The following CIITA variants were observed in gnomAD, a reference collection of about 807,000 sequenced individuals.
The protein encoded by CIITA is class II major histocompatibility complex transactivator.
A neutral mutation model predicts 115.1 loss-of-function variants in CIITA; 72 were observed. The ratio of observed to expected loss-of-function variants is 0.63; its 90% CI spans 0.52 to 0.76. The LOEUF (loss-of-function observed/expected upper bound fraction) is 0.76. Among genes scored for constraint, CIITA ranks in the 30% least tolerant of loss-of-function variants. CIITA has a pLI of 0.00. For synonymous variants in CIITA, 763 were observed against 635.6 expected, an observed-to-expected ratio of 1.20 and a Z score of -3.02; for missense variants, 1,617 against 1,463.8, an observed-to-expected ratio of 1.10 and a Z score of -1.71.
rs1316768186 is a variant in CIITA at position 10,931,757 on chromosome 16, G to C, written c.*7902G>C. ...AAATACAAAATTCGCTGGGCATGGT[G>C]GCAGGTGCCTGAGGTCCCAGCTACT... On this transcript the variant is annotated 3_prime_UTR_variant, in exon 20 of 20. Transcript: ENST00000324288. 1 of 152,222 alleles carries C rather than the reference G, an allele frequency of 6.6e-6. No individual in the cohort carries two copies. The highest frequency in any genetic ancestry group is 1.9e-4 in the East Asian group (1 of 5,190). The allele number at this position is 152,222 out of a possible 1,614,324, so 9.4% of individuals were successfully genotyped here.
intron 15 of CIITA, chr16:10,916,709 C>T: frequency 1.9e-6 from 1 of 537,454 alleles, no homozygotes; most frequent in Admixed American, 3.0e-5. Context: ...TTCATCCATT[C>T]ACTCATTCAC....
chr16:10,880,405 G>A (rs889793835), intron 1 of CIITA, among the ~76,000 whole-genome samples: 2 of 152,216 alleles, frequency 1.3e-5, no homozygotes, highest in Non-Finnish European at 2.9e-5. Context: ...ACTGGGAGGC[G>A]CTGATGTGGT....
Position 10,926,138 on chromosome 16 carries a change from C to T in CIITA, c.*2283C>T, listed in dbSNP as rs1392228277. On this transcript the variant is annotated 3_prime_UTR_variant, in exon 20 of 20. Transcript: ENST00000324288. The stretch of plus-strand genomic sequence containing the variant: ...CAGTGCCCACAGGATCAGTCTGATT[C>T]CCAAGCTCTGCTCCTCTCCCCAGCA... The T allele has an allele frequency of 6.6e-6, 1 of 152,240 alleles. No individual in the cohort carries two copies. Among genetic ancestry groups the T allele is most frequent in the Non-Finnish European group, 1.5e-5 (1 of 68,050 alleles). The allele number at this position is 152,240 out of a possible 1,614,324, so 9.4% of individuals were successfully genotyped here.
chr16:10,907,367 G>A lies in CIITA; in HGVS notation c.1875G>A (p.Leu625=), dbSNP rs2039241425. ...TGTGCCAGCTCTCAGAGGCCCTGCT[G>A]GAGCTTGGGGAGGACGCCAAGCTGC... ...RAVCQLSEAL[L]ELGEDAKLPS... is the part of the protein sequence containing the mutation. The change falls in exon 11 of 20, where the codon CTG becomes CTA. Residue 625 remains leucine (L), a synonymous_variant. Transcript: ENST00000324288. This position sits in a 1 kb window ranked among gnomAD's most constrained non-coding sequence, Gnocchi z 5.0. The A allele has an allele frequency of 6.2e-7, 1 of 1,613,314 alleles. No homozygotes were observed. The highest frequency in any genetic ancestry group is 8.5e-7 in the Non-Finnish European group (1 of 1,179,984).
At position 10,901,571 on chromosome 16, in the gene CIITA, G is replaced by A; in HGVS notation, c.481+13G>A. The A allele has an allele frequency of 6.2e-7, 1 of 1,613,618 alleles. No homozygotes were observed. The highest frequency in any genetic ancestry group is 8.5e-7 in the Non-Finnish European group (1 of 1,179,850). The stretch of plus-strand genomic sequence containing the variant: ...CACTGGAAGCCAGGTGTGCAGGGCA[G>A]GTGGGCTGGGGTTGGGAAGGGTGGA... On this transcript the variant is annotated intron_variant, in intron 6 of 19. Coordinates refer to ENST00000324288, the MANE Select transcript of CIITA (RefSeq NM_000246.4). The surrounding 1 kb of genome is among the most constrained non-coding windows in gnomAD (Gnocchi z 6.8).
chr16:10,883,043 T>C (rs1248799007), intron 1 of CIITA, among the ~76,000 whole-genome samples: 1 of 152,158 alleles, frequency 6.6e-6, no homozygotes, highest in Admixed American at 6.5e-5. Context: ...ATGGCTGGAC[T>C]CCGTAGTCAG....
chr16:10,912,153 C>T (rs1013470347), intron 13 of CIITA, among the ~76,000 whole-genome samples: 6 of 151,920 alleles, frequency 3.9e-5, no homozygotes, highest in South Asian at 4.2e-4. Flanking sequence ...CTTGCTCTGT[C>T]ACCCAGGCTA....
At chr16:10,902,627 G>T (rs1304045742) in intron 7 of CIITA, 31 bp from the exon 8 acceptor site, 2 of 1,613,990 alleles carry the variant, frequency 1.2e-6, no homozygotes, top group South Asian at 1.1e-5. Flanking sequence ...TGCTATGCAA[G>T]ATCCCACCTC....
At chr16:10,897,251 C>G (rs1453087870) in intron 3 of CIITA, among the ~76,000 whole-genome samples, 2 of 152,198 alleles carry the variant, frequency 1.3e-5, no homozygotes, top group Admixed American at 1.3e-4. Flanking sequence ...GGTGAGGACT[C>G]TCTGCAGAGT....
intron 1 of CIITA, 77 bp from the exon 2 acceptor site, chr16:10,895,205 G>A (rs899318022): frequency 4.5e-6 from 7 of 1,555,294 alleles, no homozygotes; most frequent in Non-Finnish European, 6.2e-6. Context: ...CTCACCAGCT[G>A]GGAGTTGTTG....
At chr16:10,905,402 A>G (rs2039068233) in intron 10 of CIITA, among the ~76,000 whole-genome samples, 1 of 152,178 alleles carries the variant, frequency 6.6e-6, no homozygotes, top group Non-Finnish European at 1.5e-5. Flanking sequence ...ACTCCCTCCC[A>G]TGACCTCCCC....
At chr16:10,918,884 G>A (rs1204713159) in intron 16 of CIITA, among the ~76,000 whole-genome samples, 1 of 152,176 alleles carries the variant, frequency 6.6e-6, no homozygotes, top group Non-Finnish European at 1.5e-5. Flanking sequence ...ACGTACGTCA[G>A]CTTTTGCCGG....
intron 18 of CIITA, 103 bp downstream of exon 18, chr16:10,922,593 GC>G: frequency 1.7e-6 from 2 of 1,160,522 alleles, no homozygotes; most frequent in Non-Finnish European, 2.5e-6. Context: ...TCACCAATCT[GC>G]AACCCTGGGT....
At chr16:10,891,239 T>C (rs1397058142) in intron 1 of CIITA, among the ~76,000 whole-genome samples, 2 of 131,696 alleles carry the variant, frequency 1.5e-5, no homozygotes, top group South Asian at 5.9e-4. Flanking sequence ...ACATTTTGAC[T>C]GGGGGGAAAG....
intron 1 of CIITA, chr16:10,888,770 T>A (rs1328246268): frequency 1.3e-5 from 2 of 152,240 alleles, no homozygotes; most frequent in Non-Finnish European, 2.9e-5. Context: ...TGCCCCCACA[T>A]GGCTCCTCAA....
intron 13 of CIITA, among the ~76,000 whole-genome samples, chr16:10,912,824 C>G (rs540954396): frequency 6.6e-6 from 1 of 152,316 alleles, no homozygotes; most frequent in Non-Finnish European, 1.5e-5. Context: ...GGGTGATCAG[C>G]CACCTGGAGA....
chr16:10,880,367 TG>T (rs1180232387), intron 1 of CIITA, among the ~76,000 whole-genome samples: 3 of 152,214 alleles, frequency 2.0e-5, no homozygotes, highest in African/African-American at 7.2e-5. Context: ...TGTTCGTTTG[TG>T]GGGCAAAAGT....
chr16:10,903,977 A>T, intron 9 of CIITA, 82 bp downstream of exon 9: 2 of 1,581,760 alleles, frequency 1.3e-6, no homozygotes, highest in East Asian at 2.2e-5. Flanking sequence ...TAAGATCCAC[A>T]AGCAAAGCTG....
intron 8 of CIITA, 43 bp from the exon 9 acceptor site, chr16:10,903,688 C>A: frequency 6.2e-7 from 1 of 1,611,608 alleles, no homozygotes. Flanking sequence ...TTTCTGGAAT[C>A]AATACCTGGT....
Sources: gnomAD v4.1 joint callset for allele counts (sites outside exome capture counted in the v4.1 genomes callset) on GRCh38, gnomAD v4.1.1 for gene constraint, Gnocchi (gnomAD v3.1) non-coding constraint, MANE v1.5 for transcripts, NCBI Gene and HGNC (gene_info 2026-07-23, HGNC 2026-07-21) for gene names.